MEP1B: variants seen among roughly 807,000 people sequenced by gnomAD.
The protein encoded by MEP1B is N-benzoyl-L-tyrosyl-P-amino-benzoic acid hydrolase subunit beta.
MEP1B carries 80 observed loss-of-function variants against 84.6 expected under a neutral mutation model. That is an observed-to-expected ratio of 0.95 (90% confidence interval 0.79 to 1.14). The LOEUF is 1.14. MEP1B is among the 50% of genes most tolerant of loss of function. The probability of loss-of-function intolerance (pLI) is 0.00; values close to 1 mark genes in which losing one functional copy is unlikely to be tolerated. For synonymous variants in MEP1B, 273 were observed against 288.1 expected (o/e 0.95, Z 0.53); for missense variants, 766 against 855.1 (o/e 0.90, Z 1.30).
chr18:32,206,224 C>T (rs1294400690), intron 7 of MEP1B, among the ~76,000 whole-genome samples: 2 of 152,104 alleles, frequency 1.3e-5, no homozygotes, highest in African/African-American at 2.4e-5. Flanking sequence ...TACATCTACA[C>T]CTATTCCAGT....
At chr18:32,190,443 A>T (rs1203229758) in intron 1 of MEP1B, among the ~76,000 whole-genome samples, 2 of 152,170 alleles carry the variant, frequency 1.3e-5, no homozygotes, top group Non-Finnish European at 2.9e-5. Flanking sequence ...AATGAAATGC[A>T]GATTGCTGCA....
In MEP1B at chr18:32,208,285, G is replaced by A. The variant is rs766602720; in HGVS notation, c.919+14G>A. ...GCCAGTGCCAAGGTAACAGGAGTGA[G>A]ATATTCCTAGACTGTATACTCAGTG... On this transcript the variant is annotated intron_variant, in intron 9 of 14. Coordinates refer to ENST00000269202, the MANE Select transcript of MEP1B (RefSeq NM_005925.3). The A allele has an allele frequency of 4.3e-6, 7 of 1,611,730 alleles. No individual in the cohort carries two copies. Among genetic ancestry groups the A allele is most frequent in the Non-Finnish European group, 5.9e-6 (7 of 1,178,518 alleles).
At chr18:32,200,445 T>C (rs2040900694) in intron 5 of MEP1B, among the ~76,000 whole-genome samples, 2 of 152,218 alleles carry the variant, frequency 1.3e-5, no homozygotes, top group South Asian at 2.1e-4. Context: ...GAAAATACTT[T>C]TGTTTAATAT....
In MEP1B at chr18:32,213,500, A is replaced by C. The variant is rs2041052153; in HGVS notation, c.1520A>C (p.Asp507Ala). ...ATGACACTTTTGGATCAAAATCCTG[A>C]CATTCGACAGCGTATGTCCAATCAG... ...ATMTLLDQNPDIRQRMSNQRS... is the reference protein window; with the variant it reads ...ATMTLLDQNPAIRQRMSNQRS... The change falls in exon 11 of 15, where the codon GAC becomes GCC. Residue 507 changes from aspartate to alanine, a missense_variant. Asp to Ala is a moderately radical substitution (Grantham distance 126). Coordinates refer to ENST00000269202, the MANE Select transcript of MEP1B (RefSeq NM_005925.3). 2 of 1,613,982 alleles carry C rather than the reference A, an allele frequency of 1.2e-6. No homozygotes were observed.
intron 13 of MEP1B, among the ~76,000 whole-genome samples, 166 bp downstream of exon 13, chr18:32,217,283 CTCAAGAACTA>C (rs2041100798): frequency 6.6e-6 from 1 of 151,946 alleles, no homozygotes; most frequent in Non-Finnish European, 1.5e-5. Context: ...TTTGGATAAC[CTCAAGAACTA>C]TCTTTGTGAT....
chr18:32,199,911 G>A (rs1197867655), intron 5 of MEP1B, among the ~76,000 whole-genome samples: 1 of 151,996 alleles, frequency 6.6e-6, no homozygotes, highest in Non-Finnish European at 1.5e-5. Context: ...CGAAGTGTTG[G>A]GATTACAGGC....
intron 5 of MEP1B, among the ~76,000 whole-genome samples, chr18:32,197,839 G>A (rs1386914242): frequency 6.6e-6 from 1 of 152,204 alleles, no homozygotes; most frequent in Non-Finnish European, 1.5e-5. Flanking sequence ...CCATCACCCA[G>A]GAGTTGAGCA....
chr18:32,213,132 C>A lies in MEP1B; in HGVS notation c.1152C>A (p.Ser384Arg). 1 of 1,613,192 alleles carries A rather than the reference C, an allele frequency of 6.2e-7. No homozygotes were observed. The highest frequency in any genetic ancestry group is 8.5e-7 in the Non-Finnish European group (1 of 1,179,188). ...VEEIKEIPTGSWQLYHVTLKV... is the reference protein window; with the variant it reads ...VEEIKEIPTGRWQLYHVTLKV... ...CTTTTGCAGAAATACCCACTGGGAGCTGGCAACTTTATCATGTAACATTGA... is the reference window on the plus strand; with the variant it reads ...CTTTTGCAGAAATACCCACTGGGAGATGGCAACTTTATCATGTAACATTGA... The change falls in exon 11 of 15, where the codon AGC becomes AGA. Residue 384 changes from serine (S) to arginine (R), a missense_variant. By Grantham distance (110) the Ser-to-Arg change is moderately radical. Coordinates refer to ENST00000269202, the MANE Select transcript of MEP1B (RefSeq NM_005925.3).
chr18:32,220,060 G>A (rs776534871), intron 14 of MEP1B, among the ~76,000 whole-genome samples, 171 bp from the exon 15 acceptor site: 9 of 152,164 alleles, frequency 5.9e-5, no homozygotes, highest in Non-Finnish European at 1.2e-4. Context: ...GGCCCGAAAA[G>A]CCAGGGCTCG....
At position 32,220,267 on chromosome 18, in the gene MEP1B, C is replaced by A. The variant is rs1343073669; in HGVS notation, c.*22C>A. The A allele has an allele frequency of 6.2e-7, 1 of 1,605,664 alleles. No homozygotes were observed. Among genetic ancestry groups the A allele is most frequent in the Non-Finnish European group, 8.5e-7 (1 of 1,174,856 alleles). On this transcript the variant is annotated 3_prime_UTR_variant, in exon 15 of 15. Transcript: ENST00000269202. ...TTGAAGATTAACTCGACAATATGGC[C>A]AGCTAATGAAATTAAAAAGGATTCT... is the stretch of plus-strand genomic sequence containing the variant.
chr18:32,207,350 T>C lies in MEP1B; in HGVS notation c.646T>C (p.Phe216Leu). The change falls in exon 8 of 15, where the codon TTC (phenylalanine) becomes CTC (leucine). Residue 216 changes from phenylalanine (F) to leucine (L), a missense_variant. By Grantham distance (22) the Phe-to-Leu change is conservative (BLOSUM62 0). Transcript: ENST00000269202. ...TSVMHYSKTA[F>L]QNGTEPTIVT... is the part of the protein sequence containing the mutation. Reference sequence around the variant, plus strand: ...AGTAATGCACTACAGTAAAACTGCATTCCAAAATGGAACAGAGCCGACAAT... The same window carrying C: ...AGTAATGCACTACAGTAAAACTGCACTCCAAAATGGAACAGAGCCGACAAT... The C allele has an allele frequency of 6.2e-7, 1 of 1,613,326 alleles. No individual in the cohort carries two copies. The highest frequency in any genetic ancestry group is 8.5e-7 in the Non-Finnish European group (1 of 1,179,486).
intron 10 of MEP1B, 31 bp from the exon 11 acceptor site, chr18:32,213,085 T>C (rs577818538): frequency 5.0e-6 from 8 of 1,590,502 alleles, no homozygotes; most frequent in Non-Finnish European, 6.9e-6. Context: ...TGAACTTCTT[T>C]GTCTTTGAAA....
intron 11 of MEP1B, 33 bp downstream of exon 11, chr18:32,213,592 C>G: frequency 6.7e-7 from 1 of 1,495,940 alleles, no homozygotes; most frequent in Non-Finnish European, 9.3e-7. Flanking sequence ...TGCTAATAAA[C>G]AATCATTGCT....
chr18:32,201,299 T>TACACACAC (rs58057830), intron 5 of MEP1B, among the ~76,000 whole-genome samples: 2,752 of 144,294 alleles, frequency 0.019, 51 homozygotes, highest in African/African-American at 0.049. Context: ...CATATGTAGA[T>TACACACAC]ACACACACAC....
In MEP1B at chr18:32,215,886, T is replaced by C. The variant is rs1404715142; in HGVS notation, c.1759+625T>C. ...TACCCTAGGATTCCTGAAATAAAAA[T>C]ATCACACAAGCACATGAAATTAAAT... On this transcript the variant is annotated intron_variant, in intron 12 of 14. Coordinates refer to ENST00000269202, the MANE Select transcript of MEP1B (RefSeq NM_005925.3). Among the ~76,000 whole-genome samples the C allele has an allele frequency of 3.3e-5, 5 of 151,674 alleles. No homozygotes were observed. In the East Asian group the frequency reaches 9.7e-4, roughly 29 times the overall value.
chr18:32,199,668 GTTCCTTCC>G lies in MEP1B; in HGVS notation c.251-3189_251-3182del, dbSNP rs201128780. On this transcript the variant is annotated intron_variant, in intron 5 of 14. Transcript: ENST00000269202. ...ATTCTTCCTTTTTTTCCTTTCGTTCGTTCCTTCCTTCCTTCCTTCCTTCCTTCCTTCCT... is the reference window on the plus strand; with the variant it reads ...ATTCTTCCTTTTTTTCCTTTCGTTCGTTCCTTCCTTCCTTCCTTCCTTCCT... Among the ~76,000 whole-genome samples the G allele has an allele frequency of 1.2e-3, 148 of 126,928 alleles. 1 individual carries two copies. Among genetic ancestry groups the G allele is most frequent in the South Asian group, 3.1e-3 (12 of 3,852 alleles). The allele number at this position is 126,928 out of a possible 152,430, so 83.3% of individuals were successfully genotyped here.
At chr18:32,210,768 T>G in intron 10 of MEP1B, 52 bp downstream of exon 10, 2 of 1,499,622 alleles carry the variant, frequency 1.3e-6, no homozygotes, top group South Asian at 2.3e-5. Flanking sequence ...CAATCTTAGG[T>G]CTTTTCTTTA....
At position 32,213,166 on chromosome 18, in the gene MEP1B, A is replaced by G; in HGVS notation, c.1186A>G (p.Lys396Glu). 6.2e-7 allele frequency: 1 copy of G among 1,614,018 alleles called. No individual in the cohort carries two copies. The highest frequency in any genetic ancestry group is 8.5e-7 in the Non-Finnish European group (1 of 1,179,868). ...TTATCATGTAACATTGAAAGTGACC[A>G]AGAAGTTTAGAGTGGTGTTTGAAGG... The part of the protein sequence containing the change: ...QLYHVTLKVT[K>E]KFRVVFEGRK... The change falls in exon 11 of 15, where the codon AAG becomes GAG. Residue 396 changes from lysine to glutamate, a missense_variant. By Grantham distance (56) the Lys-to-Glu change is moderately conservative. Coordinates refer to ENST00000269202, the MANE Select transcript of MEP1B (RefSeq NM_005925.3).
chr18:32,214,823 T>G (rs1304035470), intron 11 of MEP1B, among the ~76,000 whole-genome samples: 2 of 152,194 alleles, frequency 1.3e-5, no homozygotes, highest in African/African-American at 4.8e-5. Flanking sequence ...CCCAGGAATA[T>G]CTGGTACCTA....
Sources: allele counts gnomAD v4.1 joint callset (sites outside exome capture counted in the v4.1 genomes callset), GRCh38; gene constraint gnomAD v4.1.1; transcripts MANE v1.5; gene names NCBI Gene and HGNC (gene_info 2026-07-23, HGNC 2026-07-21).